Variants in SLC30A8 observed in about 807,000 individuals in gnomAD.
The protein encoded by SLC30A8 is proton-coupled zinc antiporter SLC30A8.
A neutral mutation model predicts 36.9 loss-of-function variants in SLC30A8; 27 were observed. That is an observed-to-expected ratio of 0.73 (90% CI 0.54 to 1.01). The LOEUF is 1.01. SLC30A8 is among the 50% of genes least tolerant of loss of function. SLC30A8 has a pLI of 0.00. For synonymous variants in SLC30A8, 164 were observed against 172.4 expected (o/e 0.95, Z 0.38); for missense variants, 439 against 452.0 (o/e 0.97, Z 0.26).
In SLC30A8 at chr8:117,045,332, T is replaced by TC. The variant is rs575950229; in HGVS notation, c.-226+6079dup. On this transcript the variant is annotated intron_variant, in intron 2 of 10. Transcript: ENST00000427715. The stretch of plus-strand genomic sequence containing the variant: ...CCTCACCAGGCTTCCATTTCATCGT[T>TC]CCCCCACCGTACTTGAAAGGTTTTT... Among the ~76,000 whole-genome samples the TC allele has an allele frequency of 6.5e-3, 983 of 151,794 alleles. 7 individuals are homozygous for TC. Among genetic ancestry groups the TC allele is most frequent in the African/African-American group, 0.023 (938 of 41,258 alleles).
chr8:117,147,221 A>G, intron 2 of SLC30A8, 68 bp downstream of exon 2: 1 of 1,358,296 alleles, frequency 7.4e-7, no homozygotes, highest in Non-Finnish European at 1.0e-6. Context: ...TGGGAGGGTT[A>G]CCTAAGTTCT....
At chr8:117,006,032 A>T (rs1816162011) in intron 1 of SLC30A8, among the ~76,000 whole-genome samples, 1 of 152,248 alleles carries the variant, frequency 6.6e-6, no homozygotes, top group African/African-American at 2.4e-5. Flanking sequence ...CAGTCAAACT[A>T]TTGTGAAAAA....
At chr8:117,085,912 C>T (rs1818860311) in intron 2 of SLC30A8, among the ~76,000 whole-genome samples, 1 of 151,996 alleles carries the variant, frequency 6.6e-6, no homozygotes, top group Non-Finnish European at 1.5e-5. Context: ...ATTTGTTGGG[C>T]AAGTATGAAG....
chr8:116,955,921 C>T (rs1310317533), intron 1 of SLC30A8, among the ~76,000 whole-genome samples: 2 of 152,116 alleles, frequency 1.3e-5, no homozygotes, highest in South Asian at 2.1e-4. Context: ...CGTTTTGAGC[C>T]ATCCAGTTTG....
chr8:117,149,159 T>C (rs1053990258), intron 2 of SLC30A8, among the ~76,000 whole-genome samples: 5 of 152,254 alleles, frequency 3.3e-5, no homozygotes, highest in African/African-American at 1.2e-4. Flanking sequence ...TTTTGTATTA[T>C]GTTAATGAAA....
chr8:117,012,086 A>G (rs1167631548), intron 1 of SLC30A8, among the ~76,000 whole-genome samples: 1 of 152,278 alleles, frequency 6.6e-6, no homozygotes, highest in East Asian at 1.9e-4. Flanking sequence ...CTTTTGTATT[A>G]GTTGCTCATT....
At chr8:116,958,504 G>A (rs1267802538) in intron 1 of SLC30A8, among the ~76,000 whole-genome samples, 2 of 152,046 alleles carry the variant, frequency 1.3e-5, no homozygotes, top group African/African-American at 4.8e-5. Flanking sequence ...ATTCTTCACT[G>A]TCTCTTGCTT....
chr8:117,016,358 G>T (rs1202323409), intron 1 of SLC30A8, among the ~76,000 whole-genome samples: 3 of 152,176 alleles, frequency 2.0e-5, no homozygotes, highest in Non-Finnish European at 4.4e-5. Context: ...TTCTGCTGAG[G>T]ATCAGATATA....
At position 117,040,301 on chromosome 8, in the gene SLC30A8, C is replaced by T. The variant is rs1458723947; in HGVS notation, c.-226+1043C>T. Among the ~76,000 whole-genome samples, 13 of 152,152 alleles carry T rather than the reference C, an allele frequency of 8.5e-5. 1 individual carries two copies. Among genetic ancestry groups the T allele is most frequent in the Admixed American group, 6.5e-5 (1 of 15,278 alleles). On this transcript the variant is annotated intron_variant, in intron 2 of 10. Coordinates refer to the SLC30A8 transcript ENST00000427715. ...ACTGGAATTTCTATATAATATTACC[C>T]CAAATGACATCTGGGTTGGAATGAA...
chr8:117,160,912 G>A (rs1227844162), intron 4 of SLC30A8, among the ~76,000 whole-genome samples: 1 of 152,146 alleles, frequency 6.6e-6, no homozygotes, highest in Non-Finnish European at 1.5e-5. Context: ...TTAAATCTTT[G>A]TTCCAAAATG....
chr8:117,078,970 G>A lies in SLC30A8; in HGVS notation c.-226+39712G>A, dbSNP rs117907157. On this transcript the variant is annotated intron_variant, in intron 2 of 10. Transcript: ENST00000427715. ...CCCAAAGTGTTGGGATTAAAGGTGT[G>A]AGCCAATGTGCCTGGCCTGAATTCT... Among the ~76,000 whole-genome samples the A allele has an allele frequency of 4.8e-3, 728 of 151,984 alleles. 4 individuals are homozygous for A. Among genetic ancestry groups the A allele is most frequent in the Middle Eastern group, 0.017 (5 of 294 alleles).
intron 1 of SLC30A8, among the ~76,000 whole-genome samples, chr8:116,966,794 A>G (rs1814614816): frequency 6.6e-6 from 1 of 152,218 alleles, no homozygotes; most frequent in African/African-American, 2.4e-5. Context: ...GGATGTTGTT[A>G]CTCAGGTATA....
chr8:116,990,069 CA>C lies in SLC30A8; in HGVS notation c.-266+38951del, dbSNP rs543737933. On this transcript the variant is annotated intron_variant, in intron 1 of 10. Coordinates refer to the SLC30A8 transcript ENST00000427715. ...CAATTGAATAGCAAGAACTGCAAGC[CA>C]GTTTCCAATTCCTGAGGCTGAAATA... 8.5e-5 allele frequency among the ~76,000 whole-genome samples: 13 copies of C among 152,278 alleles called. No individual in the cohort carries two copies. The South Asian group carries it at 2.7e-3, about 32-fold the overall frequency.
chr8:117,093,688 C>T (rs1461818137), intron 2 of SLC30A8, among the ~76,000 whole-genome samples: 2 of 152,170 alleles, frequency 1.3e-5, no homozygotes, highest in East Asian at 1.9e-4. Context: ...GAGTTACTGT[C>T]ATGGGATTTT....
chr8:117,098,345 C>T (rs11991494), intron 2 of SLC30A8, among the ~76,000 whole-genome samples: 14,932 of 151,892 alleles, frequency 0.098, 1,231 homozygotes, highest in African/African-American at 0.23. Flanking sequence ...AGCAAACTCA[C>T]CTGCCTTTGT....
intron 2 of SLC30A8, among the ~76,000 whole-genome samples, chr8:117,054,208 C>G (rs1762942676): frequency 6.7e-6 from 1 of 149,372 alleles, no homozygotes; most frequent in African/African-American, 2.5e-5. Flanking sequence ...AAGTGATCTT[C>G]CCACCTCAGC....
At chr8:117,015,710 T>C (rs1446881139) in intron 1 of SLC30A8, among the ~76,000 whole-genome samples, 2 of 152,156 alleles carry the variant, frequency 1.3e-5, no homozygotes, top group African/African-American at 4.8e-5. Context: ...TCAGTGTTTG[T>C]TGGGACTCAC....
In SLC30A8 at chr8:117,151,000, T is replaced by TTG. The variant is rs576300905; in HGVS notation, c.272-1943_272-1942dup. On this transcript the variant is annotated intron_variant, in intron 2 of 7. Transcript: ENST00000456015. ...AGCCATAGAATCACATTCAAACCCT[T>TTG]TGGCTTGACATATAATACCCCACAC... Among the ~76,000 whole-genome samples, 287 of 151,716 alleles carry TTG rather than the reference T, an allele frequency of 1.9e-3. 1 individual carries two copies. Among genetic ancestry groups the TTG allele is most frequent in the Non-Finnish European group, 2.7e-3 (181 of 68,014 alleles).
At chr8:117,148,738 A>C (rs567257882) in intron 2 of SLC30A8, among the ~76,000 whole-genome samples, 3 of 152,174 alleles carry the variant, frequency 2.0e-5, no homozygotes, top group Non-Finnish European at 4.4e-5. Context: ...ATCTTAATAC[A>C]TGGACAGCCT....
Sources: allele counts gnomAD v4.1 joint callset (sites outside exome capture counted in the v4.1 genomes callset), GRCh38; gene constraint gnomAD v4.1.1; transcripts MANE v1.5; gene names NCBI Gene and HGNC (gene_info 2026-07-23, HGNC 2026-07-21).